CTBP2: variants seen among roughly 807,000 people sequenced by gnomAD.
CTBP2 encodes the protein C-terminal binding protein 2.
CTBP2 carries 30 observed loss-of-function variants against 80.3 expected under a neutral mutation model. That is an observed-to-expected ratio of 0.37 (90% CI 0.28 to 0.51). CTBP2 has a LOEUF of 0.51. CTBP2 is among the 20% of genes least tolerant of loss of function. CTBP2 has a pLI of 0.93. For synonymous variants in CTBP2, 594 were observed against 587.4 expected, an observed-to-expected ratio of 1.01 and a Z score of -0.16; for missense variants, 1,212 against 1,375.3, an observed-to-expected ratio of 0.88 and a Z score of 1.88.
chr10:125,041,509 C>T (rs147536929), intron 2 of CTBP2, among the ~76,000 whole-genome samples: 1 of 49,160 alleles, frequency 2.0e-5, no homozygotes, highest in Admixed American at 2.1e-4. Context: ...TCCCCACCCC[C>T]CCCCCCCCCA....
intron 2 of CTBP2, among the ~76,000 whole-genome samples, chr10:125,054,322 A>T (rs1026191599): frequency 1.3e-5 from 2 of 152,204 alleles, no homozygotes; most frequent in African/African-American, 4.8e-5. Flanking sequence ...TGTGGCTACC[A>T]GTGTGGGCAT....
chr10:124,993,434 G>C (rs1203237530), intron 6 of CTBP2, 105 bp from the exon 9 acceptor site: 1 of 1,221,566 alleles, frequency 8.2e-7, no homozygotes, highest in Non-Finnish European at 1.1e-6. Flanking sequence ...TAGCTACATA[G>C]ATAGCATGGA....
At chr10:125,157,127 C>T (rs1026461890) in intron 1 of CTBP2, among the ~76,000 whole-genome samples, 4 of 152,152 alleles carry the variant, frequency 2.6e-5, no homozygotes, top group African/African-American at 9.7e-5. Flanking sequence ...ATGTACTTTA[C>T]GAATATCTTT....
At chr10:125,153,733 A>G (rs1254279287) in intron 1 of CTBP2, among the ~76,000 whole-genome samples, 1 of 152,248 alleles carries the variant, frequency 6.6e-6, no homozygotes. Context: ...TTGGAAAAAG[A>G]AAAGCCCCAT....
intron 1 of CTBP2, among the ~76,000 whole-genome samples, chr10:125,159,360 G>A (rs1408483998): frequency 6.8e-6 from 1 of 147,652 alleles, no homozygotes; most frequent in African/African-American, 2.4e-5. Flanking sequence ...GGGCGAGGAG[G>A]AAGTGGTGCC....
At chr10:125,041,743 G>T (rs937004646) in intron 2 of CTBP2, among the ~76,000 whole-genome samples, 1 of 152,046 alleles carries the variant, frequency 6.6e-6, no homozygotes, top group Non-Finnish European at 1.5e-5. Flanking sequence ...ATAATCTGAG[G>T]CAAGGGGGGT....
chr10:125,139,305 G>T (rs1259658227), intron 1 of CTBP2, among the ~76,000 whole-genome samples: 1 of 147,078 alleles, frequency 6.8e-6, no homozygotes, highest in Non-Finnish European at 1.5e-5. Context: ...GGAGGCAGAG[G>T]TTCCAGTGAG....
chr10:125,034,407 ATTGT>A (rs1958621628), intron 3 of CTBP2, among the ~76,000 whole-genome samples: 1 of 152,266 alleles, frequency 6.6e-6, no homozygotes, highest in East Asian at 1.9e-4. Flanking sequence ...TTTGCATAAG[ATTGT>A]TTGGGTATGT....
At chr10:124,992,462 A>G (rs1408156444) in intron 8 of CTBP2, among the ~76,000 whole-genome samples, 1 of 152,106 alleles carries the variant, frequency 6.6e-6, no homozygotes, top group Non-Finnish European at 1.5e-5. Flanking sequence ...CCTGTGGTCA[A>G]TCACATCTGA....
chr10:125,026,865 C>T lies in CTBP2; in HGVS notation c.895G>A (p.Ala299Thr). The T allele has an allele frequency of 6.2e-7, 1 of 1,613,830 alleles. No homozygotes were observed. The highest frequency in any genetic ancestry group is 2.2e-5 in the East Asian group (1 of 44,876). Residue 299 changes from alanine (A) to threonine (T), a missense_variant, in exon 1 of 9, where the codon GCG becomes ACG. By Grantham distance (58) the Ala-to-Thr change is moderately conservative. This residue lies in a region of CTBP2 where 848 missense variants were observed against 782.3 expected (regional missense o/e 1.08). Transcript: ENST00000309035. ...AGCGTGGCCTCTGCCAGCCCCTCCG[C>T]CCGCAGAAAGGCCAGGAACTCAGGG...
chr10:124,994,867 C>T (rs1368089638), intron 4 of CTBP2, among the ~76,000 whole-genome samples, 184 bp from the exon 7 acceptor site: 4 of 152,252 alleles, frequency 2.6e-5, no homozygotes, highest in Non-Finnish European at 4.4e-5. Flanking sequence ...CCACCATGGC[C>T]GGTGTAGGAC....
At chr10:124,998,266 T>G in intron 3 of CTBP2, 96 bp from the exon 6 acceptor site, 717 of 1,396,986 alleles carry the variant, frequency 5.1e-4, no homozygotes, top group Non-Finnish European at 6.5e-4. Flanking sequence ...ACTCGGTTGT[T>G]GGCACCGGGG....
intron 2 of CTBP2, among the ~76,000 whole-genome samples, chr10:125,105,130 C>T (rs756782369): frequency 3.3e-5 from 5 of 152,318 alleles, no homozygotes; most frequent in South Asian, 4.1e-4. Flanking sequence ...CATAGGCAGG[C>T]GCCGCCACCT....
intron 2 of CTBP2, among the ~76,000 whole-genome samples, chr10:125,075,567 T>C (rs1846154399): frequency 6.6e-6 from 1 of 152,138 alleles, no homozygotes; most frequent in Non-Finnish European, 1.5e-5. Context: ...ACTCATTCTG[T>C]GGTATTCTGT....
chr10:125,097,898 T>C (rs12782655), intron 2 of CTBP2, among the ~76,000 whole-genome samples: 17,153 of 152,030 alleles, frequency 0.11, 1,380 homozygotes, highest in African/African-American at 0.23. Context: ...AGGTGGATCA[T>C]GCAGGTGGAT....
Position 125,026,737 on chromosome 10 carries a change from A to G in CTBP2, c.1023T>C (p.Val341=). The change falls in exon 1 of 9, where the codon GTT becomes GTC. Residue 341 remains valine, a synonymous_variant. Transcript: ENST00000309035. ...TGCAGCTATTGGCCAGGCGGCTCAG[A>G]ACACGGGCCTGGCCCAGGTTGGGTG... is the stretch of plus-strand genomic sequence containing the variant. 1 of 1,612,960 alleles carries G rather than the reference A, an allele frequency of 6.2e-7. No homozygotes were observed. The highest frequency in any genetic ancestry group is 8.5e-7 in the Non-Finnish European group (1 of 1,179,934).
intron 2 of CTBP2, among the ~76,000 whole-genome samples, chr10:125,063,225 G>T (rs552043281): frequency 1.3e-5 from 2 of 152,306 alleles, no homozygotes; most frequent in East Asian, 1.9e-4. Flanking sequence ...AGCTAATTAC[G>T]TGTTACTCTG....
chr10:125,103,523 C>T (rs946713664), intron 2 of CTBP2, among the ~76,000 whole-genome samples: 31 of 152,172 alleles, frequency 2.0e-4, no homozygotes, highest in Admixed American at 3.9e-4. Context: ...GGCTGCTGCA[C>T]TAAGAGGGAC....
Position 124,998,041 on chromosome 10 carries a change from T to C in CTBP2, c.2108A>G (p.Gln703Arg), listed in dbSNP as rs1176259765. The C allele has an allele frequency of 1.2e-6, 2 of 1,613,336 alleles. No homozygotes were observed. Among genetic ancestry groups the C allele is most frequent in the Non-Finnish European group, 1.7e-6 (2 of 1,179,990 alleles). The change falls in exon 4 of 9, where the codon CAG becomes CGG. Residue 703 changes from glutamine (Q) to arginine (R), a missense_variant. Physicochemically the swap from Gln to Arg is conservative, Grantham distance 43. Transcript: ENST00000309035. ...CACCTCGCGGATCTGCTCCACGCTCTGAACCCGCGTGCCTTCCCGCAGTGC... is the reference window on the plus strand; with the variant it reads ...CACCTCGCGGATCTGCTCCACGCTCCGAACCCGCGTGCCTTCCCGCAGTGC...
Sources: gnomAD v4.1 joint callset for allele counts (sites outside exome capture counted in the v4.1 genomes callset) on GRCh38, gnomAD v4.1.1 for gene constraint, gnomAD v4.1.1 regional missense constraint, MANE v1.5 for transcripts, NCBI Gene and HGNC (gene_info 2026-07-23, HGNC 2026-07-21) for gene names.